The following PEX14 variants were observed in gnomAD, a reference collection of about 807,000 sequenced individuals.
The protein encoded by PEX14 is peroxisomal membrane protein PEX14.
PEX14 carries 15 observed loss-of-function variants against 49.5 expected under a neutral mutation model. That is an observed-to-expected ratio of 0.30 (90% CI 0.20 to 0.47). The LOEUF (loss-of-function observed/expected upper bound fraction) is 0.47. Among genes scored for constraint, PEX14 ranks in the 20% least tolerant of loss-of-function variants. The pLI is 1.00. For synonymous variants in PEX14, 210 were observed against 212.7 expected (o/e 0.99, Z 0.11); for missense variants, 398 against 494.8 (o/e 0.80, Z 1.86).
chr1:10,572,694 G>A (rs544223470), intron 3 of PEX14, among the ~76,000 whole-genome samples: 6 of 150,042 alleles, frequency 4.0e-5, no homozygotes, highest in East Asian at 2.0e-4. Context: ...CCCCCACCAC[G>A]CCCAGCTAAT....
At chr1:10,488,319 G>A (rs2124386392) in intron 1 of PEX14, among the ~76,000 whole-genome samples, 1 of 151,782 alleles carries the variant, frequency 6.6e-6, no homozygotes, top group South Asian at 2.1e-4. Context: ...ACCATGCTCG[G>A]CTAATTTTTG....
At chr1:10,614,563 G>C (rs974844269) in intron 4 of PEX14, among the ~76,000 whole-genome samples, 2 of 152,230 alleles carry the variant, frequency 1.3e-5, no homozygotes, top group Non-Finnish European at 2.9e-5. Flanking sequence ...CCCAGAGAAG[G>C]CTGTCCTTCT....
intron 3 of PEX14, among the ~76,000 whole-genome samples, chr1:10,541,506 G>A (rs1192387130): frequency 6.6e-6 from 1 of 152,230 alleles, no homozygotes; most frequent in African/African-American, 2.4e-5. Flanking sequence ...GGGCGGGGCC[G>A]TGCCCTGCAG....
At position 10,630,490 on chromosome 1, in the gene PEX14, C is replaced by A. The variant is rs77851830; in HGVS notation, c.*503C>A. 1 of 160,190 alleles carries A rather than the reference C, an allele frequency of 6.2e-6. No homozygotes were observed. The highest frequency in any genetic ancestry group is 2.4e-5 in the African/African-American group (1 of 40,994). 9.9% of individuals were successfully genotyped at this position (160,190 alleles called of 1,614,324 possible). The stretch of plus-strand genomic sequence containing the variant: ...GTCAGGTGCCTGTCCCCAGCCCCAA[C>A]CCCACTCATGCCCCGTCGTCCTCCC... On this transcript the variant is annotated 3_prime_UTR_variant, in exon 9 of 9. Transcript: ENST00000356607. This position sits in a 1 kb window ranked among gnomAD's most constrained non-coding sequence, Gnocchi z 4.1.
chr1:10,509,231 A>G (rs1414612989), intron 2 of PEX14, among the ~76,000 whole-genome samples: 1 of 151,826 alleles, frequency 6.6e-6, no homozygotes, highest in Non-Finnish European at 1.5e-5. Context: ...TACAGGCGTG[A>G]GCCACCGCGC....
At chr1:10,624,051 T>C (rs1046802525) in intron 6 of PEX14, among the ~76,000 whole-genome samples, 1 of 152,046 alleles carries the variant, frequency 6.6e-6, no homozygotes, top group Non-Finnish European at 1.5e-5. Context: ...CCGGGAGAGC[T>C]CAGCAAATCA....
intron 3 of PEX14, among the ~76,000 whole-genome samples, chr1:10,596,124 T>C (rs1264888584): frequency 3.3e-5 from 5 of 152,168 alleles, no homozygotes; most frequent in Non-Finnish European, 7.4e-5. Flanking sequence ...AGATAACTAG[T>C]TGTGATCTGG....
intron 2 of PEX14, among the ~76,000 whole-genome samples, chr1:10,504,772 C>T (rs6668910): frequency 0.038 from 5,639 of 150,360 alleles, 242 homozygotes; most frequent in African/African-American, 0.086. Context: ...TTCCTTTTCT[C>T]TTCTTTCCTT....
chr1:10,591,389 T>C (rs1217452051), intron 3 of PEX14, among the ~76,000 whole-genome samples: 1 of 152,236 alleles, frequency 6.6e-6, no homozygotes, highest in South Asian at 2.1e-4. Flanking sequence ...TCTTGGTTTT[T>C]CTCTTCCAGA....
chr1:10,538,644 G>A (rs1390635428), intron 3 of PEX14, among the ~76,000 whole-genome samples: 7 of 152,222 alleles, frequency 4.6e-5, no homozygotes, highest in Non-Finnish European at 8.8e-5. Context: ...TTCAAATTTC[G>A]GGCTGTTCCA....
rs1180729918 is a variant in PEX14, at chr1:10,512,048, C to T, written c.84+16727C>T. The stretch of plus-strand genomic sequence containing the variant: ...AATCTTGGCTCACTGCACGCTCCGC[C>T]TCCCGGGTTTACGCCATTCTCCTGC... On this transcript the variant is annotated intron_variant, in intron 2 of 8. Coordinates refer to ENST00000356607, the MANE Select transcript of PEX14 (RefSeq NM_004565.3). This position sits in a 1 kb window ranked among gnomAD's most constrained non-coding sequence, Gnocchi z 4.6. Among the ~76,000 whole-genome samples the T allele has an allele frequency of 6.6e-6, 1 of 152,174 alleles. No individual in the cohort carries two copies. Among genetic ancestry groups the T allele is most frequent in the East Asian group, 1.9e-4 (1 of 5,184 alleles).
intron 3 of PEX14, among the ~76,000 whole-genome samples, chr1:10,595,898 T>C (rs555721372): frequency 1.2e-4 from 19 of 152,374 alleles, no homozygotes; most frequent in African/African-American, 4.1e-4. Context: ...GCCTCAGCTT[T>C]CAGAGCCAAA....
chr1:10,565,065 G>A (rs879522794), intron 3 of PEX14, among the ~76,000 whole-genome samples: 3 of 151,834 alleles, frequency 2.0e-5, no homozygotes, highest in African/African-American at 4.8e-5. Flanking sequence ...CACCACACCC[G>A]ACTAATTTTT....
At chr1:10,559,694 G>A (rs1289672639) in intron 3 of PEX14, among the ~76,000 whole-genome samples, 4 of 152,188 alleles carry the variant, frequency 2.6e-5, no homozygotes, top group East Asian at 1.9e-4. Context: ...AAACATGGAC[G>A]CTGTAGGACA....
At chr1:10,557,455 G>A (rs1407773893) in intron 3 of PEX14, among the ~76,000 whole-genome samples, 1 of 152,080 alleles carries the variant, frequency 6.6e-6, no homozygotes, top group African/African-American at 2.4e-5. Flanking sequence ...CTGTGGTGGC[G>A]GGCGCCTGTA....
chr1:10,590,103 C>T (rs564974367), intron 3 of PEX14, among the ~76,000 whole-genome samples: 2 of 152,314 alleles, frequency 1.3e-5, no homozygotes, highest in African/African-American at 4.8e-5. Flanking sequence ...CTCAGATAGG[C>T]CGGTTCATGT....
At chr1:10,478,737 C>T in intron 1 of PEX14, among the ~76,000 whole-genome samples, 1 of 151,824 alleles carries the variant, frequency 6.6e-6, no homozygotes, top group East Asian at 1.9e-4. Flanking sequence ...CACCACCATG[C>T]CTGGCTAATG....
intron 4 of PEX14, among the ~76,000 whole-genome samples, chr1:10,609,900 A>G (rs1181955348): frequency 6.6e-6 from 1 of 152,006 alleles, no homozygotes; most frequent in African/African-American, 2.4e-5. Flanking sequence ...ATAAATAAAT[A>G]AATAAAAATA....
Position 10,512,598 on chromosome 1 carries a change from C to T in PEX14, c.84+17277C>T, listed in dbSNP as rs1641903384. On this transcript the variant is annotated intron_variant, in intron 2 of 8. Coordinates refer to ENST00000356607, the MANE Select transcript of PEX14 (RefSeq NM_004565.3). The surrounding 1 kb of genome is among the most constrained non-coding windows in gnomAD (Gnocchi z 4.6). Reference sequence around the variant, plus strand: ...TGTCAAATCCTTAAATCCAACTGAACTAATTTTAGAAGTAGCTAGTTATAA... The same window carrying T: ...TGTCAAATCCTTAAATCCAACTGAATTAATTTTAGAAGTAGCTAGTTATAA... Among the ~76,000 whole-genome samples the T allele has an allele frequency of 6.6e-6, 1 of 152,088 alleles. No homozygotes were observed. The highest frequency in any genetic ancestry group is 2.1e-4 in the South Asian group (1 of 4,822).
Sources: allele counts gnomAD v4.1 joint callset (sites outside exome capture counted in the v4.1 genomes callset), GRCh38; gene constraint gnomAD v4.1.1; non-coding constraint Gnocchi (gnomAD v3.1); transcripts MANE v1.5; gene names NCBI Gene and HGNC (gene_info 2026-07-23, HGNC 2026-07-21).